Variants in CARMIL1 observed in about 807,000 individuals in gnomAD.
CARMIL1 encodes capping protein regulator and myosin 1 linker 1, also known as F-actin-uncapping protein LRRC16A.
CARMIL1 carries 90 observed loss-of-function variants against 177.1 expected under a neutral mutation model. The ratio of observed to expected loss-of-function variants is 0.51; its 90% CI spans 0.43 to 0.61. The LOEUF (loss-of-function observed/expected upper bound fraction) is 0.61. CARMIL1 is among the 20% of genes least tolerant of loss of function. The probability of loss-of-function intolerance (pLI) is 0.00; values close to 1 mark genes in which losing one functional copy is unlikely to be tolerated. For missense variants in CARMIL1, 1,380 were observed against 1,667.0 expected (o/e 0.83, Z 3.00); for synonymous variants, 577 against 606.2 (o/e 0.95, Z 0.71).
intron 31 of CARMIL1, among the ~76,000 whole-genome samples, chr6:25,588,399 T>G (rs542853904): frequency 1.1e-4 from 17 of 152,238 alleles, no homozygotes; most frequent in Non-Finnish European, 1.8e-4. Flanking sequence ...TTTTACTTTG[T>G]GGCTCTACCC....
chr6:25,338,519 T>C (rs1289795006), intron 2 of CARMIL1, among the ~76,000 whole-genome samples: 1 of 151,634 alleles, frequency 6.6e-6, no homozygotes, highest in Non-Finnish European at 1.5e-5. Context: ...TAGTAGTTCT[T>C]TTATATGTTT....
intron 2 of CARMIL1, among the ~76,000 whole-genome samples, chr6:25,306,502 C>T (rs930343225): frequency 2.0e-5 from 3 of 152,144 alleles, no homozygotes; most frequent in African/African-American, 4.8e-5. Flanking sequence ...TCTCCTCCCC[C>T]CCACTTTTAT....
chr6:25,533,121 C>A (rs1364163173), intron 24 of CARMIL1, among the ~76,000 whole-genome samples: 1 of 152,194 alleles, frequency 6.6e-6, no homozygotes, highest in Non-Finnish European at 1.5e-5. Context: ...TTTCCTCTTT[C>A]ATGTGCACAT....
At chr6:25,506,798 AT>A (rs1254094572) in intron 17 of CARMIL1, among the ~76,000 whole-genome samples, 2 of 152,188 alleles carry the variant, frequency 1.3e-5, no homozygotes, top group African/African-American at 4.8e-5. Flanking sequence ...TTTGGGGGTC[AT>A]TTTATATTTT....
rs868172171 is a variant in CARMIL1 at position 25,581,434 on chromosome 6, G to A, written c.3001G>A (p.Ala1001Thr). 2 of 1,609,272 alleles carry A rather than the reference G, an allele frequency of 1.2e-6. No individual in the cohort carries two copies. The highest frequency in any genetic ancestry group is 1.3e-5 in the African/African-American group (1 of 74,884). The change falls in exon 31 of 37, where the codon GCA becomes ACA. Residue 1001 changes from alanine (A) to threonine (T), a missense_variant. Ala to Thr is a moderately conservative substitution (Grantham distance 58). Coordinates refer to ENST00000329474, the MANE Select transcript of CARMIL1 (RefSeq NM_017640.6). Reference sequence around the variant, plus strand: ...GAATAAGAAGCAGCAACCCACCCAAGCAGCGGTAGGTGGACTGCAGGAGAG... The same window carrying A: ...GAATAAGAAGCAGCAACCCACCCAAACAGCGGTAGGTGGACTGCAGGAGAG... ...KRNKKQQPTQAAVCAANIVSQ... is the reference protein window; with the variant it reads ...KRNKKQQPTQTAVCAANIVSQ...
At chr6:25,378,880 C>T (rs1791269695) in intron 2 of CARMIL1, among the ~76,000 whole-genome samples, 1 of 124,674 alleles carries the variant, frequency 8.0e-6, no homozygotes, top group East Asian at 2.1e-4. Flanking sequence ...AATCCACTCT[C>T]TTGGGGATTA....
intron 2 of CARMIL1, among the ~76,000 whole-genome samples, chr6:25,413,025 A>G (rs1795055475): frequency 6.6e-6 from 1 of 152,204 alleles, no homozygotes; most frequent in Non-Finnish European, 1.5e-5. Flanking sequence ...GGAGGCTCAG[A>G]GCCAGGAGAG....
At chr6:25,343,340 C>T (rs139288977) in intron 2 of CARMIL1, among the ~76,000 whole-genome samples, 59 of 148,222 alleles carry the variant, frequency 4.0e-4, no homozygotes, top group Non-Finnish European at 7.9e-4. Context: ...TTTGGACAAG[C>T]CAGTTTTACA....
chr6:25,500,161 C>G lies in CARMIL1; in HGVS notation c.1326-5C>G. 6.2e-7 allele frequency: 1 copy of G among 1,613,708 alleles called. No individual in the cohort carries two copies. Among genetic ancestry groups the G allele is most frequent in the Non-Finnish European group, 8.5e-7 (1 of 1,179,658 alleles). ...GTATCTAATATGTGTGTTTCCTCCCCTCAGAGCACTGTTATTGGGCCTGGC... is the reference window on the plus strand; with the variant it reads ...GTATCTAATATGTGTGTTTCCTCCCGTCAGAGCACTGTTATTGGGCCTGGC... On this transcript the variant is annotated splice_region_variant and splice_polypyrimidine_tract_variant and intron_variant, in intron 16 of 36. Transcript: ENST00000329474.
rs150687999 is a variant in CARMIL1, at chr6:25,473,640, G to T, written c.874+1119G>T. On this transcript the variant is annotated intron_variant, in intron 11 of 36. Transcript: ENST00000329474. ...ATCTTGCTGTGTCAGCAGTGGCAGAGGTGGAGAAAAATCCACACGGAAGTG... is the reference window on the plus strand; with the variant it reads ...ATCTTGCTGTGTCAGCAGTGGCAGATGTGGAGAAAAATCCACACGGAAGTG... 1.1e-4 allele frequency among the ~76,000 whole-genome samples: 17 copies of T among 152,264 alleles called. No homozygotes were observed. In the East Asian group the frequency reaches 3.3e-3, roughly 29 times the overall value.
At chr6:25,387,078 C>G (rs535130268) in intron 2 of CARMIL1, among the ~76,000 whole-genome samples, 10 of 137,544 alleles carry the variant, frequency 7.3e-5, no homozygotes, top group African/African-American at 2.5e-4. Flanking sequence ...CGCACCATTG[C>G]ACTCCAGCCT....
chr6:25,392,053 C>CGTGT (rs1792878597), intron 2 of CARMIL1, among the ~76,000 whole-genome samples: 2 of 107,578 alleles, frequency 1.9e-5, no homozygotes, highest in African/African-American at 8.9e-5. Context: ...TGTGTATATG[C>CGTGT]ATGTGTGTGT....
At chr6:25,356,584 A>G (rs960374584) in intron 2 of CARMIL1, among the ~76,000 whole-genome samples, 1 of 152,268 alleles carries the variant, frequency 6.6e-6, no homozygotes. Context: ...ACAAGGTCCC[A>G]GCACGGAAAG....
intron 2 of CARMIL1, among the ~76,000 whole-genome samples, chr6:25,325,422 T>A (rs1456498776): frequency 6.6e-6 from 1 of 152,160 alleles, no homozygotes; most frequent in African/African-American, 2.4e-5. Flanking sequence ...GCTTGCAGAT[T>A]TTAGGGTTTT....
chr6:25,551,728 C>A (rs1036783918), intron 27 of CARMIL1, among the ~76,000 whole-genome samples: 1 of 152,122 alleles, frequency 6.6e-6, no homozygotes, highest in Non-Finnish European at 1.5e-5. Context: ...CATAATGTTT[C>A]TTAGTTGGGG....
At chr6:25,365,364 C>T (rs1169094681) in intron 2 of CARMIL1, among the ~76,000 whole-genome samples, 2 of 152,188 alleles carry the variant, frequency 1.3e-5, no homozygotes, top group East Asian at 3.8e-4. Flanking sequence ...GCTCTGGTTG[C>T]TCTGGTGCTA....
chr6:25,603,100 T>C (rs2151313234), intron 33 of CARMIL1, among the ~76,000 whole-genome samples: 1 of 152,332 alleles, frequency 6.6e-6, no homozygotes, highest in South Asian at 2.1e-4. Flanking sequence ...GCTTTAGAGA[T>C]GCAGGCAAAT....
At chr6:25,501,847 T>C (rs1200153798) in intron 17 of CARMIL1, among the ~76,000 whole-genome samples, 2 of 152,140 alleles carry the variant, frequency 1.3e-5, no homozygotes, top group Admixed American at 6.5e-5. Context: ...ATTCTAGAAA[T>C]GGACAAGTCT....
chr6:25,309,694 GT>G (rs1267715402), intron 2 of CARMIL1, among the ~76,000 whole-genome samples: 1 of 150,460 alleles, frequency 6.6e-6, no homozygotes, highest in Non-Finnish European at 1.5e-5. Flanking sequence ...CTTCCATGTT[GT>G]AGCATGGGTT....
Sources: allele counts gnomAD v4.1 joint callset (sites outside exome capture counted in the v4.1 genomes callset), GRCh38; gene constraint gnomAD v4.1.1; transcripts MANE v1.5; gene names NCBI Gene and HGNC (gene_info 2026-07-23, HGNC 2026-07-21).